Variants in RUNDC1 observed in about 807,000 individuals in gnomAD.
RUNDC1 encodes RUN domain-containing protein 1.
A neutral mutation model predicts 49.3 loss-of-function variants in RUNDC1; 31 were observed. The observed-to-expected ratio is 0.63, with a 90% CI of 0.47 to 0.85. The LOEUF (loss-of-function observed/expected upper bound fraction) is 0.85, where lower values mean the gene tolerates loss of function less well. RUNDC1 is among the 40% of genes least tolerant of loss of function. RUNDC1 has a pLI of 0.00. For synonymous variants in RUNDC1, 347 were observed against 348.6 expected, an observed-to-expected ratio of 1.00 and a Z score of 0.05; for missense variants, 715 against 806.7, an observed-to-expected ratio of 0.89 and a Z score of 1.38.
chr17:42,984,673 A>G (rs1369322272), intron 1 of RUNDC1, among the ~76,000 whole-genome samples: 1 of 152,112 alleles, frequency 6.6e-6, no homozygotes, highest in African/African-American at 2.4e-5. Flanking sequence ...CGTAGCTACC[A>G]TGGCAAGTGA....
At position 42,992,019 on chromosome 17, in the gene RUNDC1, CCTGT is replaced by C. The variant is rs1181719023; in HGVS notation, c.*306_*309del. On this transcript the variant is annotated 3_prime_UTR_variant, in exon 5 of 5. Transcript: ENST00000361677. ...CACAAGGTCAGGAGTTCGAGACCAT[CCTGT>C]CTAACACGGTGAAACCCCATCTCTA... 1 of 339,616 alleles carries C rather than the reference CCTGT, an allele frequency of 2.9e-6. No homozygotes were observed. The highest frequency in any genetic ancestry group is 5.6e-6 in the Non-Finnish European group (1 of 178,646). The allele number at this position is 339,616 out of a possible 1,614,324, so 21.0% of individuals were successfully genotyped here.
Position 42,980,648 on chromosome 17 carries a change from AGAG to A in RUNDC1, c.81_83del (p.Glu30del). The A allele has an allele frequency of 6.2e-7, 1 of 1,600,726 alleles. No individual in the cohort carries two copies. Among genetic ancestry groups the A allele is most frequent in the South Asian group, 1.1e-5 (1 of 89,166 alleles). ...CTGTTGGGCCAAAGGCGAAAGACGA[AGAG>A]GAGGAGGAAGAGGAGCCGCTGCCAC... On this transcript the variant is annotated inframe_deletion, in exon 1 of 5. Transcript: ENST00000361677.
At position 42,980,859 on chromosome 17, in the gene RUNDC1, C is replaced by T; in HGVS notation, c.283C>T (p.Leu95=). 2 of 1,449,552 alleles carry T rather than the reference C, an allele frequency of 1.4e-6. No homozygotes were observed. The highest frequency in any genetic ancestry group is 1.8e-6 in the Non-Finnish European group (2 of 1,108,874). The allele number at this position is 1,449,552 out of a possible 1,614,324, so 89.8% of individuals were successfully genotyped here. ...GCGGCGGCGGCTGGACTCGGCGCTG[C>T]TGGCGCTGTCCTCGCACTTCGCGCA... is the stretch of plus-strand genomic sequence containing the variant. ...AERRRLDSAL[L]ALSSHFAQVQ... is the part of the protein sequence containing the mutation. The change falls in exon 1 of 5, where the codon CTG becomes TTG. Residue 95 remains leucine, a synonymous_variant. Coordinates refer to ENST00000361677, the MANE Select transcript of RUNDC1 (RefSeq NM_173079.5).
At chr17:42,990,110 A>G (rs1345477423) in intron 3 of RUNDC1, among the ~76,000 whole-genome samples, 1 of 152,196 alleles carries the variant, frequency 6.6e-6, no homozygotes, top group Admixed American at 6.5e-5. Context: ...CTCTCTTGTC[A>G]TCCATAAAAT....
rs1222558000 is a variant in RUNDC1 at position 42,994,852 on chromosome 17, G to C, written c.*3136G>C. Among the ~76,000 whole-genome samples, 1 of 152,182 alleles carries C rather than the reference G, an allele frequency of 6.6e-6. No homozygotes were observed. The highest frequency in any genetic ancestry group is 2.4e-5 in the African/African-American group (1 of 41,436). On this transcript the variant is annotated 3_prime_UTR_variant, in exon 5 of 5. Transcript: ENST00000361677. The stretch of plus-strand genomic sequence containing the variant: ...GAGGAGAGGCAGGCCAGTCCACCCA[G>C]ATCCAAGGATATGCAAGAATGGAAG...
chr17:42,994,492 A>G lies in RUNDC1; in HGVS notation c.*2776A>G, dbSNP rs565972717. On this transcript the variant is annotated 3_prime_UTR_variant, in exon 5 of 5. Transcript: ENST00000361677. ...TTTCTGAATCCAGAGCCCACAGTCT[A>G]TCTTTTCACTTCATTGTATCATGTT... is the stretch of plus-strand genomic sequence containing the variant. 2.6e-5 allele frequency among the ~76,000 whole-genome samples: 4 copies of G among 152,310 alleles called. No homozygotes were observed. The highest frequency in any genetic ancestry group is 4.4e-5 in the Non-Finnish European group (3 of 68,014).
At chr17:42,981,277 G>A (rs1459457849) in intron 1 of RUNDC1, 1 of 628,818 alleles carries the variant, frequency 1.6e-6, no homozygotes, top group Non-Finnish European at 2.6e-6. Flanking sequence ...GGTGAGCGGT[G>A]TGCACGGAGG....
chr17:42,982,742 G>C (rs1257065833), intron 1 of RUNDC1, among the ~76,000 whole-genome samples: 2 of 151,400 alleles, frequency 1.3e-5, no homozygotes, highest in Non-Finnish European at 2.9e-5. Context: ...GGGAGGCCAA[G>C]GCGGGCGGAT....
At chr17:42,985,720 C>T (rs2050162889) in intron 1 of RUNDC1, 89 of 981,166 alleles carry the variant, frequency 9.1e-5, no homozygotes, top group Non-Finnish European at 1.0e-4. Context: ...CGCAGCCTTG[C>T]CCCTACAAAT....
intron 4 of RUNDC1, 24 bp from the exon 5 acceptor site, chr17:42,990,827 T>A: frequency 6.4e-7 from 1 of 1,560,234 alleles, no homozygotes; most frequent in South Asian, 1.2e-5. Flanking sequence ...CTCTCACTGA[T>A]GAGCCACTGT....
At position 42,993,036 on chromosome 17, in the gene RUNDC1, G is replaced by T. The variant is rs1463890941; in HGVS notation, c.*1320G>T. ...AAACGAGAAAATCCTGGCTACCCAA[G>T]TCGAGTATATACAGGAATACAAATC... On this transcript the variant is annotated 3_prime_UTR_variant, in exon 5 of 5. Coordinates refer to ENST00000361677, the MANE Select transcript of RUNDC1 (RefSeq NM_173079.5). 1 of 152,190 alleles carries T rather than the reference G, an allele frequency of 6.6e-6. No individual in the cohort carries two copies. Among genetic ancestry groups the T allele is most frequent in the Non-Finnish European group, 1.5e-5 (1 of 68,044 alleles). The allele number at this position is 152,190 out of a possible 1,614,324, so 9.4% of individuals were successfully genotyped here. A position where few individuals can be genotyped will look rare whatever the true frequency, so the allele number is the denominator to read the frequency against.
In RUNDC1 at chr17:42,987,420, C is replaced by G; in HGVS notation, c.657+6C>G. The G allele has an allele frequency of 6.2e-7, 1 of 1,613,734 alleles. No homozygotes were observed. The highest frequency in any genetic ancestry group is 8.5e-7 in the Non-Finnish European group (1 of 1,179,712). On this transcript the variant is annotated splice_donor_region_variant and intron_variant, in intron 2 of 4. Coordinates refer to ENST00000361677, the MANE Select transcript of RUNDC1 (RefSeq NM_173079.5). Reference sequence around the variant, plus strand: ...TGGTGTTGGAAAGACAGCGGGTGAGCAGACCCCAGAGGAACCTCCACCACT... The same window carrying G: ...TGGTGTTGGAAAGACAGCGGGTGAGGAGACCCCAGAGGAACCTCCACCACT...
Position 42,992,584 on chromosome 17 carries a change from A to C in RUNDC1, c.*868A>C, listed in dbSNP as rs1415224855. On this transcript the variant is annotated 3_prime_UTR_variant, in exon 5 of 5. Transcript: ENST00000361677. ...ACTCCATCTCAAAAAAAAAAAAAAA[A>C]AAAAAAAGACATTCAACTTGAGGCT... The C allele has an allele frequency of 6.6e-6, 1 of 151,958 alleles. No homozygotes were observed. Among genetic ancestry groups the C allele is most frequent in the Non-Finnish European group, 1.5e-5 (1 of 68,114 alleles). 9.4% of individuals were successfully genotyped at this position (151,958 alleles called of 1,614,324 possible).
In RUNDC1 at chr17:42,991,308, G is replaced by C. The variant is rs1286904779; in HGVS notation, c.1434G>C (p.Lys478Asn). The C allele has an allele frequency of 3.1e-6, 5 of 1,614,096 alleles. No individual in the cohort carries two copies. In the Admixed American group the frequency reaches 6.7e-5, roughly 22 times the overall value. The change falls in exon 5 of 5, where the codon AAG becomes AAC. Residue 478 changes from lysine (K) to asparagine (N), a missense_variant. By Grantham distance (94) the Lys-to-Asn change is moderately conservative (BLOSUM62 0). Transcript: ENST00000361677. The part of the protein sequence containing the change: ...EAMHPWELFV[K>N]YYHAKNGRAY... The stretch of plus-strand genomic sequence containing the variant: ...TGCACCCGTGGGAGCTCTTTGTAAA[G>C]TACTACCATGCTAAGAACGGCCGTG...
chr17:42,981,302 C>T (rs1004711735), intron 1 of RUNDC1: 8 of 559,088 alleles, frequency 1.4e-5, no homozygotes, highest in South Asian at 4.8e-5. Context: ...GGAGAGATGT[C>T]GGTGCGTGAT....
chr17:42,991,957 GTAA>G lies in RUNDC1; in HGVS notation c.*243_*245del, dbSNP rs1414119498. 1 of 485,480 alleles carries G rather than the reference GTAA, an allele frequency of 2.1e-6. No individual in the cohort carries two copies. Among genetic ancestry groups the G allele is most frequent in the African/African-American group, 1.9e-5 (1 of 51,308 alleles). 30.1% of individuals were successfully genotyped at this position (485,480 alleles called of 1,614,324 possible). On this transcript the variant is annotated 3_prime_UTR_variant, in exon 5 of 5. Transcript: ENST00000361677. Reference sequence around the variant, plus strand: ...AGGCCGGGCGCGGTGGCTCACACCTGTAATCCCAGCACTTTGGGAGGCCGAGGC... The same window carrying G: ...AGGCCGGGCGCGGTGGCTCACACCTGTCCCAGCACTTTGGGAGGCCGAGGC...
At chr17:42,989,057 T>C (rs925977552) in intron 2 of RUNDC1, among the ~76,000 whole-genome samples, 2 of 152,116 alleles carry the variant, frequency 1.3e-5, no homozygotes, top group Non-Finnish European at 2.9e-5. Context: ...CACTTTGGAT[T>C]TTTCATACTG....
intron 1 of RUNDC1, chr17:42,981,775 T>C (rs1162644903): frequency 6.6e-6 from 1 of 151,666 alleles, no homozygotes; most frequent in African/African-American, 2.4e-5. Context: ...CAGGCTATAA[T>C]GTTGAAATTT....
intron 3 of RUNDC1, 90 bp downstream of exon 3, chr17:42,989,629 T>G: frequency 1.7e-6 from 2 of 1,153,194 alleles, no homozygotes; most frequent in Non-Finnish European, 2.5e-6. Context: ...CTAATTCTGG[T>G]TTTTTGTTCT....
Sources: gnomAD v4.1 joint callset for allele counts (sites outside exome capture counted in the v4.1 genomes callset) on GRCh38, gnomAD v4.1.1 for gene constraint, MANE v1.5 for transcripts, NCBI Gene and HGNC (gene_info 2026-07-23, HGNC 2026-07-21) for gene names.